Variants in SUGCT observed in about 807,000 individuals in gnomAD.
SUGCT encodes succinyl-CoA:glutarate-CoA transferase.
A neutral mutation model predicts 55.0 loss-of-function variants in SUGCT; 41 were observed. That is an observed-to-expected ratio of 0.74 (90% CI 0.58 to 0.97). The LOEUF is 0.97. Among genes scored for constraint, SUGCT ranks in the 50% least tolerant of loss-of-function variants. SUGCT has a pLI of 0.00. For missense variants in SUGCT, 568 were observed against 547.8 expected, an observed-to-expected ratio of 1.04 and a Z score of -0.37; for synonymous variants, 187 against 200.4, an observed-to-expected ratio of 0.93 and a Z score of 0.56.
chr7:40,346,224 A>T (rs1797297365), intron 9 of SUGCT, among the ~76,000 whole-genome samples: 1 of 152,102 alleles, frequency 6.6e-6, no homozygotes, highest in Admixed American at 6.5e-5. Context: ...CAAGTTTAAA[A>T]ATTATACAGG....
intron 12 of SUGCT, among the ~76,000 whole-genome samples, chr7:40,595,904 GGT>G (rs1797988677): frequency 6.6e-6 from 1 of 152,146 alleles, no homozygotes; most frequent in South Asian, 2.1e-4. Context: ...CAAAGTTACT[GGT>G]ACCTTTTCCC....
At chr7:40,976,844 A>T in the SUGCT span, among the ~76,000 whole-genome samples, 2 of 152,056 alleles carry the variant, frequency 1.3e-5, no homozygotes, top group East Asian at 3.9e-4. Context: ...CCTCTCTAAC[A>T]GGCTGTTCAA....
intron 9 of SUGCT, among the ~76,000 whole-genome samples, chr7:40,323,589 C>G (rs1448513446): frequency 1.3e-5 from 2 of 152,084 alleles, no homozygotes; most frequent in Non-Finnish European, 2.9e-5. Flanking sequence ...GACAGGGTCT[C>G]ATCATCTTGC....
At chr7:40,965,474 T>C in the SUGCT span, 3 of 152,182 alleles carry the variant, frequency 2.0e-5, no homozygotes, top group African/African-American at 7.2e-5. Context: ...GAGTTATATA[T>C]TAATAATAAC....
Position 40,610,224 on chromosome 7 carries a change from T to G in SUGCT, c.1089+113838T>G, listed in dbSNP as rs1798710112. ...AAAACCTTCATGTAGCATCCGCATGTAAGTCTTAAGTACACCCACATTAAG... is the reference window on the plus strand; with the variant it reads ...AAAACCTTCATGTAGCATCCGCATGGAAGTCTTAAGTACACCCACATTAAG... On this transcript the variant is annotated intron_variant, in intron 12 of 13. Coordinates refer to ENST00000335693, the MANE Select transcript of SUGCT (RefSeq NM_001193313.2). Among the ~76,000 whole-genome samples, 3 of 152,236 alleles carry G rather than the reference T, an allele frequency of 2.0e-5. No homozygotes were observed. In the South Asian group the frequency reaches 6.2e-4, roughly 31 times the overall value.
At chr7:40,674,869 G>A (rs1374196990) in intron 12 of SUGCT, among the ~76,000 whole-genome samples, 2 of 152,048 alleles carry the variant, frequency 1.3e-5, no homozygotes, top group Non-Finnish European at 2.9e-5. Flanking sequence ...AAGATGAGAA[G>A]TTCTGCCGTC....
chr7:40,811,694 A>G (rs1417953510), intron 13 of SUGCT, among the ~76,000 whole-genome samples: 3 of 152,236 alleles, frequency 2.0e-5, no homozygotes, highest in East Asian at 1.9e-4. Flanking sequence ...TTCTAGGTGT[A>G]GAATCATACC....
At chr7:40,158,673 C>T (rs1314345863) in intron 1 of SUGCT, among the ~76,000 whole-genome samples, 1 of 152,104 alleles carries the variant, frequency 6.6e-6, no homozygotes, top group East Asian at 1.9e-4. Context: ...TTGCTTGAAC[C>T]CGGGGGGCAG....
the SUGCT span, among the ~76,000 whole-genome samples, chr7:40,899,623 A>C: frequency 1.3e-5 from 2 of 151,992 alleles, no homozygotes; most frequent in African/African-American, 4.8e-5. Context: ...AGCATACAAT[A>C]TGGTTTTTAT....
At chr7:40,920,234 C>A in the SUGCT span, among the ~76,000 whole-genome samples, 1 of 152,168 alleles carries the variant, frequency 6.6e-6, no homozygotes, top group Non-Finnish European at 1.5e-5. Flanking sequence ...GGAACCATAT[C>A]TCGGTCTCTT....
intron 12 of SUGCT, among the ~76,000 whole-genome samples, chr7:40,627,667 C>T (rs1799584532): frequency 6.6e-6 from 1 of 152,198 alleles, no homozygotes; most frequent in Non-Finnish European, 1.5e-5. Flanking sequence ...GTTTCAGTTT[C>T]CCATCTGCCT....
chr7:40,802,469 G>T (rs1214113281), intron 13 of SUGCT, among the ~76,000 whole-genome samples: 1 of 152,088 alleles, frequency 6.6e-6, no homozygotes, highest in East Asian at 1.9e-4. Context: ...CTGATCCCCT[G>T]TCTTGTTCAT....
chr7:40,552,089 C>T (rs1428137647), intron 12 of SUGCT, among the ~76,000 whole-genome samples: 2 of 152,188 alleles, frequency 1.3e-5, no homozygotes, highest in Non-Finnish European at 2.9e-5. Flanking sequence ...TTCCCCACGT[C>T]ACAGCACACT....
intron 8 of SUGCT, among the ~76,000 whole-genome samples, chr7:40,286,686 A>AC (rs1283956812): frequency 6.6e-6 from 1 of 152,194 alleles, no homozygotes; most frequent in East Asian, 1.9e-4. Context: ...TTCTACTAGC[A>AC]GTTGTGATTG....
the SUGCT span, among the ~76,000 whole-genome samples, chr7:40,970,726 T>A: frequency 6.6e-6 from 1 of 152,270 alleles, no homozygotes; most frequent in East Asian, 1.9e-4. Flanking sequence ...GAAACCCTTC[T>A]TGGAGGATCT....
chr7:40,413,758 T>C (rs1395832548), intron 9 of SUGCT, among the ~76,000 whole-genome samples: 2 of 152,188 alleles, frequency 1.3e-5, no homozygotes, highest in East Asian at 1.9e-4. Context: ...ACAAGCAACA[T>C]TGATGTGATC....
intron 13 of SUGCT, among the ~76,000 whole-genome samples, chr7:40,830,520 T>G (rs1792605615): frequency 6.6e-6 from 1 of 152,178 alleles, no homozygotes; most frequent in African/African-American, 2.4e-5. Flanking sequence ...TCTGGATATT[T>G]CTGTGGCTCA....
chr7:40,437,761 G>A (rs7803105), intron 9 of SUGCT, among the ~76,000 whole-genome samples: 47,865 of 151,972 alleles, frequency 0.31, 7,884 homozygotes, highest in Non-Finnish European at 0.36. Context: ...TTCTCATGGC[G>A]GTAAGTTAAA....
intron 13 of SUGCT, among the ~76,000 whole-genome samples, chr7:40,769,973 C>T (rs1789008428): frequency 6.6e-6 from 1 of 152,140 alleles, no homozygotes; most frequent in Non-Finnish European, 1.5e-5. Context: ...TTTCTTATAA[C>T]ATTATTTCTC....
Sources: allele counts gnomAD v4.1 joint callset (sites outside exome capture counted in the v4.1 genomes callset), GRCh38; gene constraint gnomAD v4.1.1; transcripts MANE v1.5; gene names NCBI Gene and HGNC (gene_info 2026-07-23, HGNC 2026-07-21).